The following PRELID2 variants were observed in gnomAD, a reference collection of about 807,000 sequenced individuals.
PRELID2 encodes PRELI domain containing 2, also known as PRELI domain-containing protein 2.
PRELID2 carries 25 observed loss-of-function variants against 28.4 expected under a neutral mutation model. The observed-to-expected ratio is 0.88, with a 90% CI of 0.64 to 1.23. The LOEUF (loss-of-function observed/expected upper bound fraction) is 1.23, where lower values mean the gene tolerates loss of function less well. PRELID2 is among the 50% of genes most tolerant of loss of function. The pLI is 0.00. For synonymous variants in PRELID2, 76 were observed against 71.6 expected, an observed-to-expected ratio of 1.06 and a Z score of -0.31; for missense variants, 201 against 214.4, an observed-to-expected ratio of 0.94 and a Z score of 0.39.
In PRELID2 at chr5:145,658,053, T is replaced by C. The variant is rs1222293922; in HGVS notation, n.70+106878A>G. 2.0e-5 allele frequency among the ~76,000 whole-genome samples: 3 copies of C among 152,242 alleles called. No individual in the cohort carries two copies. The South Asian group carries it at 6.2e-4, about 31-fold the overall frequency. ...TGCTACAGACAATTCAGTTAATATATTGAGTACCTCTTGTGTGCCTGGCAA... is the reference window on the plus strand; with the variant it reads ...TGCTACAGACAATTCAGTTAATATACTGAGTACCTCTTGTGTGCCTGGCAA... On this transcript the variant is annotated intron_variant and non_coding_transcript_variant, in intron 1 of 2. Transcript: ENST00000510259.
the PRELID2 span, among the ~76,000 whole-genome samples, chr5:145,299,464 A>T: frequency 6.6e-6 from 1 of 152,114 alleles, no homozygotes; most frequent in Admixed American, 6.6e-5. Context: ...AATAAACAAG[A>T]TTGTAAAATT....
intron 1 of PRELID2, among the ~76,000 whole-genome samples, chr5:145,570,690 C>G (rs529874677): frequency 4.9e-4 from 75 of 152,292 alleles, no homozygotes; most frequent in African/African-American, 1.8e-3. Flanking sequence ...ACTTGTCCAG[C>G]TATCACTATC....
intron 1 of PRELID2, among the ~76,000 whole-genome samples, chr5:145,511,234 G>A (rs1752458205): frequency 1.3e-5 from 2 of 152,178 alleles, no homozygotes; most frequent in South Asian, 2.1e-4. Context: ...TTCAAGAAAT[G>A]CACATGCATA....
In PRELID2 at chr5:145,757,215, T is replaced by C. The variant is rs930004946; in HGVS notation, c.*3321A>G. Among the ~76,000 whole-genome samples, 10 of 152,192 alleles carry C rather than the reference T, an allele frequency of 6.6e-5. No homozygotes were observed. Among genetic ancestry groups the C allele is most frequent in the Admixed American group, 2.6e-4 (4 of 15,284 alleles). On this transcript the variant is annotated 3_prime_UTR_variant, in exon 7 of 7. Coordinates refer to ENST00000683046, the MANE Select transcript of PRELID2 (RefSeq NM_205846.3). ...CTTATAAAATACACAAAGTAGTTCA[T>C]AGAAAAAGAATACAGCACCTTTTTC...
At chr5:145,269,054 C>T in the PRELID2 span, among the ~76,000 whole-genome samples, 1 of 151,926 alleles carries the variant, frequency 6.6e-6, no homozygotes, top group African/African-American at 2.4e-5. Context: ...GAAAGATATG[C>T]CACTTTTATA....
At chr5:145,357,283 C>G in the PRELID2 span, among the ~76,000 whole-genome samples, 1 of 152,126 alleles carries the variant, frequency 6.6e-6, no homozygotes, top group Non-Finnish European at 1.5e-5. Context: ...GGGTTGTCCT[C>G]TCTAGTGAGG....
At chr5:145,379,454 G>A in the PRELID2 span, among the ~76,000 whole-genome samples, 1 of 152,160 alleles carries the variant, frequency 6.6e-6, no homozygotes, top group Non-Finnish European at 1.5e-5. Context: ...TGTTGGCTTG[G>A]AGGCAGGGTG....
At chr5:145,264,460 C>A in the PRELID2 span, among the ~76,000 whole-genome samples, 1 of 151,800 alleles carries the variant, frequency 6.6e-6, no homozygotes, top group African/African-American at 2.4e-5. Flanking sequence ...TGACTCAAAC[C>A]CTCCACAAAA....
At chr5:145,737,554 C>G (rs1756531317) in intron 1 of PRELID2, among the ~76,000 whole-genome samples, 1 of 152,296 alleles carries the variant, frequency 6.6e-6, no homozygotes, top group East Asian at 1.9e-4. Context: ...TCACATATCC[C>G]AGGTACTAGA....
chr5:145,435,770 G>A, the PRELID2 span, among the ~76,000 whole-genome samples: 1 of 152,132 alleles, frequency 6.6e-6, no homozygotes, highest in Non-Finnish European at 1.5e-5. Context: ...GGCCAGAAAG[G>A]CAGTGTACTA....
intron 1 of PRELID2, among the ~76,000 whole-genome samples, chr5:145,579,550 A>G (rs777337945): frequency 8.5e-5 from 13 of 152,108 alleles, no homozygotes; most frequent in Non-Finnish European, 1.8e-4. Flanking sequence ...ACATAATTTA[A>G]CTATGTGGCC....
chr5:145,559,579 C>T (rs1421134884), intron 1 of PRELID2, among the ~76,000 whole-genome samples: 1 of 152,130 alleles, frequency 6.6e-6, no homozygotes, highest in Non-Finnish European at 1.5e-5. Flanking sequence ...CTTTCATCCA[C>T]TTCTTTCTCA....
the PRELID2 span, among the ~76,000 whole-genome samples, chr5:145,230,557 C>A: frequency 2.6e-4 from 39 of 150,956 alleles, 1 homozygote; most frequent in Admixed American, 6.6e-5. Flanking sequence ...CCAGCCTGGG[C>A]AACAGAGCGA....
At chr5:145,578,649 C>G (rs1416515922) in intron 1 of PRELID2, among the ~76,000 whole-genome samples, 2 of 152,062 alleles carry the variant, frequency 1.3e-5, no homozygotes, top group Admixed American at 6.6e-5. Flanking sequence ...TAATCTTTCA[C>G]TATACTTTTT....
At chr5:145,643,637 T>C (rs1285038756) in intron 1 of PRELID2, among the ~76,000 whole-genome samples, 3 of 152,204 alleles carry the variant, frequency 2.0e-5, no homozygotes, top group Admixed American at 2.0e-4. Context: ...CAGTATGATA[T>C]TGACTGTGGG....
chr5:145,772,498 A>T lies in PRELID2; in HGVS notation c.475-7498T>A, dbSNP rs546745353. ...AGGCTGGGAAGTCTAAGATTGAGGG[A>T]GTGCATCTGGTGAGGGCCTTCTTGC... On this transcript the variant is annotated intron_variant, in intron 5 of 6. Transcript: ENST00000683046. 3.9e-4 allele frequency among the ~76,000 whole-genome samples: 60 copies of T among 152,318 alleles called. 1 individual carries two copies. The Middle Eastern group carries it at 0.01, about 26-fold the overall frequency.
chr5:145,380,686 A>C, the PRELID2 span, among the ~76,000 whole-genome samples: 1 of 152,116 alleles, frequency 6.6e-6, no homozygotes, highest in African/African-American at 2.4e-5. Context: ...CAGTTTTTAC[A>C]GTAGAGCTAT....
chr5:145,681,650 G>A (rs918304632), intron 1 of PRELID2, among the ~76,000 whole-genome samples: 2 of 152,094 alleles, frequency 1.3e-5, no homozygotes, highest in Non-Finnish European at 2.9e-5. Flanking sequence ...CACCATAAAC[G>A]GTAGCTATTA....
the PRELID2 span, among the ~76,000 whole-genome samples, chr5:145,327,036 C>T: frequency 1.3e-5 from 2 of 151,936 alleles, no homozygotes; most frequent in South Asian, 4.1e-4. Context: ...TGTTGAAATT[C>T]TAAAGTCTCA....
Sources: allele counts gnomAD v4.1 joint callset (sites outside exome capture counted in the v4.1 genomes callset), GRCh38; gene constraint gnomAD v4.1.1; transcripts MANE v1.5; gene names NCBI Gene and HGNC (gene_info 2026-07-23, HGNC 2026-07-21).